Variants in DCT observed in about 807,000 individuals in gnomAD.
DCT encodes the protein L-dopachrome tautomerase.
DCT carries 47 observed loss-of-function variants against 53.0 expected under a neutral mutation model. The ratio of observed to expected loss-of-function variants is 0.89; its 90% CI spans 0.70 to 1.13. The LOEUF (loss-of-function observed/expected upper bound fraction) is 1.13. DCT is among the 50% of genes most tolerant of loss of function. The pLI, the probability that DCT is intolerant of heterozygous loss-of-function variation, is 0.00. For missense variants in DCT, 669 were observed against 637.4 expected, an observed-to-expected ratio of 1.05 and a Z score of -0.53; for synonymous variants, 244 against 237.0, an observed-to-expected ratio of 1.03 and a Z score of -0.27.
chr13:94,522,216 A>G, the DCT span, among the ~76,000 whole-genome samples: 474 of 152,302 alleles, frequency 3.1e-3, 2 homozygotes, highest in African/African-American at 0.011. Flanking sequence ...TGAGTCAGTG[A>G]GCTGGGAAAG....
intron 1 of DCT, among the ~76,000 whole-genome samples, chr13:94,477,355 C>T (rs1594326948): frequency 6.6e-6 from 1 of 152,242 alleles, no homozygotes; most frequent in Admixed American, 6.5e-5. Flanking sequence ...CTTCAGCCTT[C>T]CAAAGTGCTG....
the DCT span, among the ~76,000 whole-genome samples, chr13:94,536,904 A>G: frequency 6.6e-6 from 1 of 152,182 alleles, no homozygotes; most frequent in Non-Finnish European, 1.5e-5. Context: ...AGATTGCGCC[A>G]CTGCACTCCA....
At chr13:94,504,557 TG>T in the DCT span, among the ~76,000 whole-genome samples, 1 of 151,750 alleles carries the variant, frequency 6.6e-6, no homozygotes, top group Non-Finnish European at 1.5e-5. Context: ...TTAGTAGAGA[TG>T]GGGTTTCATC....
At chr13:94,540,530 C>T in the DCT span, among the ~76,000 whole-genome samples, 17 of 152,106 alleles carry the variant, frequency 1.1e-4, no homozygotes, top group South Asian at 2.1e-4. Flanking sequence ...AGAAGACAAA[C>T]GCATGGCCAA....
chr13:94,507,397 T>C, the DCT span, among the ~76,000 whole-genome samples: 1 of 152,188 alleles, frequency 6.6e-6, no homozygotes, highest in African/African-American at 2.4e-5. Context: ...CTGGTAGCCT[T>C]TCAATCTCAC....
chr13:94,540,631 T>A, the DCT span, among the ~76,000 whole-genome samples: 1 of 152,120 alleles, frequency 6.6e-6, no homozygotes, highest in Non-Finnish European at 1.5e-5. Flanking sequence ...AGTTAAAATG[T>A]GTTTTATCGA....
At chr13:94,509,431 A>T in the DCT span, among the ~76,000 whole-genome samples, 2 of 143,276 alleles carry the variant, frequency 1.4e-5, no homozygotes, top group Non-Finnish European at 3.1e-5. Context: ...CCCTCCCCAC[A>T]CACACACAGA....
In DCT at chr13:94,462,098, A is replaced by T. The variant is rs1181811893; in HGVS notation, c.955T>A (p.Leu319Met). ...TCTCGTATGTCTTTTAAGGTTGGCAATTTCATGCTGTTTCTTCCCATTTGA... is the reference window on the plus strand; with the variant it reads ...TCTCGTATGTCTTTTAAGGTTGGCATTTTCATGCTGTTTCTTCCCATTTGA... ...RNQMGRNSMK[L>M]PTLKDIRDCL... Residue 319 changes from leucine to methionine, a missense_variant, in exon 5 of 8, where the codon TTG becomes ATG. Transcript: ENST00000377028. 6.2e-7 allele frequency: 1 copy of T among 1,613,190 alleles called. No homozygotes were observed. The highest frequency in any genetic ancestry group is 2.2e-5 in the East Asian group (1 of 44,864).
chr13:94,526,181 A>G, the DCT span, among the ~76,000 whole-genome samples: 1 of 152,300 alleles, frequency 6.6e-6, no homozygotes, highest in South Asian at 2.1e-4. Flanking sequence ...ATCAGCACTC[A>G]CTGTATGCCC....
Position 94,468,820 on chromosome 13 carries a change from G to C in DCT, c.521C>G (p.Pro174Arg), listed in dbSNP as rs138843354. 6 of 1,614,024 alleles carry C rather than the reference G, an allele frequency of 3.7e-6. No individual in the cohort carries two copies. The highest frequency in any genetic ancestry group is 5.1e-6 in the Non-Finnish European group (6 of 1,180,016). The change falls in exon 2 of 8, where the codon CCG (proline) becomes CGG (arginine). Residue 174 changes from proline (P) to arginine (R), a missense_variant. Transcript: ENST00000377028. ...LGLLGPNGTQ[P>R]QFANCSVYDF... ...ATAAACACTGCAGTTGGCAAACTGCGGCTGGGTTCCATTGGGCCCAAGCAG... is the reference window on the plus strand; with the variant it reads ...ATAAACACTGCAGTTGGCAAACTGCCGCTGGGTTCCATTGGGCCCAAGCAG...
At chr13:94,527,196 G>A in the DCT span, among the ~76,000 whole-genome samples, 1 of 152,210 alleles carries the variant, frequency 6.6e-6, no homozygotes, top group Non-Finnish European at 1.5e-5. Flanking sequence ...ACCTCTAGGG[G>A]GAGGGCATAG....
chr13:94,517,197 C>T, the DCT span, among the ~76,000 whole-genome samples: 1 of 152,214 alleles, frequency 6.6e-6, no homozygotes, highest in Non-Finnish European at 1.5e-5. Flanking sequence ...CACCCAACAA[C>T]ATCGTTTCAT....
chr13:94,520,703 G>C, the DCT span, among the ~76,000 whole-genome samples: 1 of 152,100 alleles, frequency 6.6e-6, no homozygotes, highest in Non-Finnish European at 1.5e-5. Flanking sequence ...CTAGCAAGGT[G>C]GGTAGAGAAA....
chr13:94,499,985 C>A, the DCT span, among the ~76,000 whole-genome samples: 1 of 152,052 alleles, frequency 6.6e-6, no homozygotes, highest in African/African-American at 2.4e-5. Flanking sequence ...TTAACATATC[C>A]ATAACATATA....
the DCT span, among the ~76,000 whole-genome samples, chr13:94,547,758 G>A: frequency 6.6e-6 from 1 of 151,686 alleles, no homozygotes; most frequent in Non-Finnish European, 1.5e-5. Context: ...GGGAGGCCAA[G>A]GCGGGTGGAT....
the DCT span, among the ~76,000 whole-genome samples, chr13:94,516,031 AG>A: frequency 1.4e-5 from 2 of 141,098 alleles, no homozygotes; most frequent in Non-Finnish European, 3.0e-5. Flanking sequence ...CAGCAACTCA[AG>A]CCCCGCCCCC....
the DCT span, among the ~76,000 whole-genome samples, chr13:94,515,486 G>A: frequency 1.3e-5 from 2 of 152,150 alleles, no homozygotes; most frequent in Non-Finnish European, 2.9e-5. Flanking sequence ...CATGGTTAAG[G>A]CTTAGCTAAC....
intron 5 of DCT, 127 bp downstream of exon 5, chr13:94,461,883 A>T (rs1883813502): frequency 2.8e-6 from 2 of 712,224 alleles, no homozygotes; most frequent in Admixed American, 2.9e-5. Flanking sequence ...TTCTCTCGTT[A>T]GGCCTCTCTC....
intron 5 of DCT, among the ~76,000 whole-genome samples, chr13:94,461,041 T>C (rs1883753794): frequency 6.6e-6 from 1 of 152,062 alleles, no homozygotes; most frequent in South Asian, 2.1e-4. Flanking sequence ...GCCTTCAGAG[T>C]AGTGTCAAAG....
Sources: allele counts gnomAD v4.1 joint callset (sites outside exome capture counted in the v4.1 genomes callset), GRCh38; gene constraint gnomAD v4.1.1; transcripts MANE v1.5; gene names NCBI Gene and HGNC (gene_info 2026-07-23, HGNC 2026-07-21).